Variants in GRM7 observed in about 807,000 individuals in gnomAD.
GRM7 encodes glutamate metabotropic receptor 7.
A neutral mutation model predicts 84.5 loss-of-function variants in GRM7; 35 were observed. That is an observed-to-expected ratio of 0.41 (90% CI 0.32 to 0.55). The LOEUF (loss-of-function observed/expected upper bound fraction) is 0.55. GRM7 is among the 20% of genes least tolerant of loss of function. GRM7 has a pLI of 0.19. For missense variants in GRM7, 1,003 were observed against 1,194.6 expected, an observed-to-expected ratio of 0.84 and a Z score of 2.36; for synonymous variants, 487 against 455.1, an observed-to-expected ratio of 1.07 and a Z score of -0.89.
chr3:7,457,856 A>G (rs1698083064), intron 6 of GRM7, among the ~76,000 whole-genome samples: 1 of 152,208 alleles, frequency 6.6e-6, no homozygotes, highest in Non-Finnish European at 1.5e-5. Flanking sequence ...GTTAGCCAAT[A>G]TCAACTGTCA....
intron 1 of GRM7, among the ~76,000 whole-genome samples, chr3:6,989,367 A>G (rs145861299): frequency 6.6e-6 from 1 of 152,242 alleles, no homozygotes; most frequent in Non-Finnish European, 1.5e-5. Context: ...AAGCTTATAA[A>G]TGAGAAAACT....
At chr3:7,562,454 T>C (rs182087647) in intron 7 of GRM7, among the ~76,000 whole-genome samples, 228 of 152,184 alleles carry the variant, frequency 1.5e-3, no homozygotes, top group African/African-American at 4.9e-3. Context: ...CTCCATTAAT[T>C]GACCTCACAG....
At chr3:7,379,601 A>G (rs546933482) in intron 4 of GRM7, among the ~76,000 whole-genome samples, 7 of 152,286 alleles carry the variant, frequency 4.6e-5, no homozygotes, top group African/African-American at 1.7e-4. Context: ...TTTTCCCTAT[A>G]TATTTTTTCT....
chr3:7,699,262 C>T (rs2125157093), intron 9 of GRM7, among the ~76,000 whole-genome samples: 1 of 152,154 alleles, frequency 6.6e-6, no homozygotes, highest in South Asian at 2.1e-4. Flanking sequence ...GTCATCAGAC[C>T]CCAGGTCACC....
intron 1 of GRM7, among the ~76,000 whole-genome samples, chr3:7,143,426 C>T (rs1425268312): frequency 6.6e-6 from 1 of 152,028 alleles, no homozygotes; most frequent in Non-Finnish European, 1.5e-5. Context: ...ATTCTTGCAT[C>T]ATTATATTCA....
At chr3:6,901,073 A>C (rs1696364117) in intron 1 of GRM7, among the ~76,000 whole-genome samples, 1 of 152,226 alleles carries the variant, frequency 6.6e-6, no homozygotes, top group African/African-American at 2.4e-5. Flanking sequence ...GAGCTCTAAA[A>C]TTAATGATTG....
intron 4 of GRM7, among the ~76,000 whole-genome samples, chr3:7,325,907 A>T (rs1168790434): frequency 7.9e-5 from 12 of 152,194 alleles, no homozygotes; most frequent in Non-Finnish European, 1.5e-5. Context: ...GCATGCCTAC[A>T]TCAGATCATG....
chr3:7,493,799 C>T lies in GRM7; in HGVS notation c.1515+32077C>T, dbSNP rs565083319. Among the ~76,000 whole-genome samples the T allele has an allele frequency of 2.2e-4, 33 of 151,794 alleles. No homozygotes were observed. In the South Asian group the frequency reaches 6.7e-3, roughly 31 times the overall value. On this transcript the variant is annotated intron_variant, in intron 7 of 9. Transcript: ENST00000357716. Reference sequence around the variant, plus strand: ...GTTACTTGAACATTTTTTAGGATTCCATCTTGATTTATTTACAGTGTTTGT... The same window carrying T: ...GTTACTTGAACATTTTTTAGGATTCTATCTTGATTTATTTACAGTGTTTGT...
At chr3:6,935,104 T>A (rs927374925) in intron 1 of GRM7, among the ~76,000 whole-genome samples, 2 of 152,190 alleles carry the variant, frequency 1.3e-5, no homozygotes, top group African/African-American at 4.8e-5. Flanking sequence ...ACAGTTGATT[T>A]GGAAAACTAG....
intron 7 of GRM7, among the ~76,000 whole-genome samples, chr3:7,545,118 T>C (rs1693083298): frequency 6.6e-6 from 1 of 152,244 alleles, no homozygotes; most frequent in African/African-American, 2.4e-5. Flanking sequence ...GTAAAAAAAT[T>C]GCTTAGTCTT....
chr3:7,566,692 G>A (rs1694290947), intron 7 of GRM7, among the ~76,000 whole-genome samples: 1 of 151,986 alleles, frequency 6.6e-6, no homozygotes, highest in African/African-American at 2.4e-5. Flanking sequence ...TCAGTAGATG[G>A]ATATTGTTTG....
At chr3:7,411,482 A>AT (rs962026137) in intron 4 of GRM7, among the ~76,000 whole-genome samples, 7 of 151,876 alleles carry the variant, frequency 4.6e-5, no homozygotes, top group Admixed American at 2.0e-4. Context: ...AAATAATCTA[A>AT]TTTTTTTTAG....
chr3:7,152,693 G>A (rs1409041922), intron 2 of GRM7, among the ~76,000 whole-genome samples: 5 of 152,070 alleles, frequency 3.3e-5, no homozygotes, highest in Admixed American at 2.6e-4. Flanking sequence ...TTCCTCTTTT[G>A]GAATTCATGG....
At chr3:7,701,247 G>A (rs1003061674) in intron 9 of GRM7, among the ~76,000 whole-genome samples, 1 of 151,486 alleles carries the variant, frequency 6.6e-6, no homozygotes, top group Admixed American at 6.6e-5. Context: ...ATTCTCCTTG[G>A]CCACTGGAGG....
chr3:7,396,249 C>T (rs762023991), intron 4 of GRM7, among the ~76,000 whole-genome samples: 4 of 151,974 alleles, frequency 2.6e-5, no homozygotes, highest in African/African-American at 7.2e-5. Context: ...TTGAGTTTAT[C>T]GTGACCTACA....
chr3:7,576,046 G>A (rs1319273331), intron 7 of GRM7, among the ~76,000 whole-genome samples: 4 of 152,140 alleles, frequency 2.6e-5, no homozygotes, highest in Non-Finnish European at 5.9e-5. Context: ...CACTAATGTT[G>A]AAATCAAGCG....
intron 8 of GRM7, among the ~76,000 whole-genome samples, chr3:7,676,249 C>A (rs1575619277): frequency 6.6e-6 from 1 of 152,072 alleles, no homozygotes. Context: ...TCAGTGTGAG[C>A]CTCCTACCTC....
chr3:6,896,115 G>C (rs1292492362), intron 1 of GRM7, among the ~76,000 whole-genome samples: 2 of 152,090 alleles, frequency 1.3e-5, no homozygotes, highest in Non-Finnish European at 2.9e-5. Flanking sequence ...TTCTTCATCA[G>C]TTTGTTAAAT....
chr3:7,692,281 C>G (rs1420972323), intron 9 of GRM7, among the ~76,000 whole-genome samples: 2 of 152,148 alleles, frequency 1.3e-5, no homozygotes, highest in Non-Finnish European at 1.5e-5. Context: ...TCCTGGCCGG[C>G]TGGCAAGCTG....
Sources: allele counts gnomAD v4.1 joint callset (sites outside exome capture counted in the v4.1 genomes callset), GRCh38; gene constraint gnomAD v4.1.1; transcripts MANE v1.5; gene names NCBI Gene and HGNC (gene_info 2026-07-23, HGNC 2026-07-21).